BICD1: variants seen among roughly 807,000 people sequenced by gnomAD.
BICD1 encodes the protein BICD cargo adaptor 1.
Under a neutral mutation model 92.5 loss-of-function variants are expected in BICD1, and 35 were observed. The observed-to-expected ratio is 0.38, with a 90% CI of 0.29 to 0.50. The LOEUF (loss-of-function observed/expected upper bound fraction) is 0.50, where lower values mean the gene tolerates loss of function less well. Among genes scored for constraint, BICD1 ranks in the 20% least tolerant of loss-of-function variants. BICD1 has a pLI of 0.93. For missense variants in BICD1, 950 were observed against 1,189.8 expected (o/e 0.80, Z 2.97); for synonymous variants, 429 against 465.1 (o/e 0.92, Z 1.00).
At chr12:32,301,559 C>A (rs1368817370) in intron 3 of BICD1, among the ~76,000 whole-genome samples, 1 of 151,482 alleles carries the variant, frequency 6.6e-6, no homozygotes, top group Non-Finnish European at 1.5e-5. Context: ...AGGATTGCTT[C>A]GGTCCAGGAG....
At chr12:32,185,632 C>T (rs923586807) in intron 1 of BICD1, among the ~76,000 whole-genome samples, 6 of 152,198 alleles carry the variant, frequency 3.9e-5, no homozygotes, top group Non-Finnish European at 8.8e-5. Flanking sequence ...GCAAGTCAGA[C>T]GGCTGCTCTG....
chr12:32,285,130 T>A (rs1451238475), intron 2 of BICD1, among the ~76,000 whole-genome samples: 1 of 152,170 alleles, frequency 6.6e-6, no homozygotes, highest in Admixed American at 6.5e-5. Flanking sequence ...CCCTCCTCTA[T>A]CTCCATTTAG....
chr12:32,314,036 A>C (rs1313567568), intron 4 of BICD1, among the ~76,000 whole-genome samples: 1 of 152,212 alleles, frequency 6.6e-6, no homozygotes, highest in Non-Finnish European at 1.5e-5. Context: ...GTCTTTTGTG[A>C]CTGGCTTCTT....
chr12:32,189,108 A>G (rs971636993), intron 1 of BICD1, among the ~76,000 whole-genome samples: 11 of 152,344 alleles, frequency 7.2e-5, no homozygotes, highest in Non-Finnish European at 1.5e-4. Context: ...CTGATAGGAA[A>G]AGCTTTGCCC....
chr12:32,166,161 C>T (rs1390079959), intron 1 of BICD1, among the ~76,000 whole-genome samples: 2 of 78,014 alleles, frequency 2.6e-5, no homozygotes, highest in African/African-American at 8.5e-5. Flanking sequence ...TTGGAGCCAG[C>T]GTTTCGTTCT....
At chr12:32,339,508 G>A in intron 8 of BICD1, 1 of 985,342 alleles carries the variant, frequency 1.0e-6, no homozygotes, top group Non-Finnish European at 1.2e-6. Context: ...TAATGTTCTT[G>A]TAGATTGCAG....
intron 2 of BICD1, among the ~76,000 whole-genome samples, chr12:32,225,619 C>CTGTTTT (rs775727276): frequency 6.8e-5 from 2 of 29,228 alleles, no homozygotes; most frequent in African/African-American, 2.2e-4. Flanking sequence ...TTCTTTTTTT[C>CTGTTTT]TGTTTTTTTT....
chr12:32,123,447 AAAG>A (rs1220364111), intron 1 of BICD1, among the ~76,000 whole-genome samples: 8 of 152,246 alleles, frequency 5.3e-5, no homozygotes, highest in African/African-American at 1.9e-4. Flanking sequence ...CCTTCAGGGA[AAAG>A]AAGTTTTCAT....
chr12:32,251,644 A>G (rs1946524874), intron 2 of BICD1, among the ~76,000 whole-genome samples: 1 of 152,174 alleles, frequency 6.6e-6, no homozygotes, highest in Admixed American at 6.5e-5. Flanking sequence ...GTTCTACTAT[A>G]TGGATGCACC....
At chr12:32,196,220 C>G (rs191624157) in intron 1 of BICD1, among the ~76,000 whole-genome samples, 8 of 152,110 alleles carry the variant, frequency 5.3e-5, no homozygotes, top group Non-Finnish European at 8.8e-5. Flanking sequence ...CAGGAATTAT[C>G]AAAAAACAGT....
intron 1 of BICD1, among the ~76,000 whole-genome samples, chr12:32,128,619 A>C (rs949528852): frequency 1.4e-5 from 2 of 146,350 alleles, no homozygotes; most frequent in African/African-American, 2.5e-5. Flanking sequence ...TTAAAAAAAA[A>C]CCAGCGTAAT....
intron 1 of BICD1, among the ~76,000 whole-genome samples, chr12:32,158,449 C>A (rs1444422589): frequency 6.6e-6 from 1 of 151,800 alleles, no homozygotes; most frequent in African/African-American, 2.4e-5. Context: ...CACGGTGAGA[C>A]CCTGCCTGTA....
chr12:32,145,147 T>G lies in BICD1; in HGVS notation c.213+37603T>G, dbSNP rs572746643. Among the ~76,000 whole-genome samples, 31 of 152,346 alleles carry G rather than the reference T, an allele frequency of 2.0e-4. No homozygotes were observed. The South Asian group carries it at 6.0e-3, about 30-fold the overall frequency. ...CTTTGTATTAGACTTCTACATGTTGTGGTCTTTGCTTCTGATAAGGGACAG... is the reference window on the plus strand; with the variant it reads ...CTTTGTATTAGACTTCTACATGTTGGGGTCTTTGCTTCTGATAAGGGACAG... On this transcript the variant is annotated intron_variant, in intron 1 of 9. Coordinates refer to ENST00000652176, the MANE Select transcript of BICD1 (RefSeq NM_001714.4).
chr12:32,222,113 TATAAG>T (rs1218288871), intron 2 of BICD1, among the ~76,000 whole-genome samples: 3 of 152,158 alleles, frequency 2.0e-5, no homozygotes, highest in African/African-American at 7.2e-5. Flanking sequence ...ATGTCTCAAA[TATAAG>T]ATATGTTAGA....
At chr12:32,299,042 A>G (rs1220176944) in intron 3 of BICD1, among the ~76,000 whole-genome samples, 4 of 152,158 alleles carry the variant, frequency 2.6e-5, no homozygotes, top group Non-Finnish European at 4.4e-5. Flanking sequence ...TGTAGTCCCA[A>G]TAGGGACTCC....
At chr12:32,230,878 C>CATG (rs10656681) in intron 2 of BICD1, among the ~76,000 whole-genome samples, 103,842 of 151,728 alleles carry the variant, frequency 0.68, 36,264 homozygotes, top group East Asian at 0.89. Context: ...GTGAAATTAT[C>CATG]ATGACTGCTG....
intron 1 of BICD1, among the ~76,000 whole-genome samples, chr12:32,141,848 C>A (rs1490170348): frequency 6.6e-6 from 1 of 152,116 alleles, no homozygotes; most frequent in Non-Finnish European, 1.5e-5. Flanking sequence ...ATTCGCCGTT[C>A]GTTGTAAGCT....
chr12:32,306,114 C>A lies in BICD1; in HGVS notation c.997C>A (p.Leu333Ile). 6.3e-7 allele frequency: 1 copy of A among 1,595,256 alleles called. No homozygotes were observed. Among genetic ancestry groups the A allele is most frequent in the Non-Finnish European group, 8.5e-7 (1 of 1,172,718 alleles). Reference sequence around the variant, plus strand: ...AGAAATACAGAAGTTGAAGCAGCAGCTTATGCAGGTAAGAACTTTGTTTAG... The same window carrying A: ...AGAAATACAGAAGTTGAAGCAGCAGATTATGCAGGTAAGAACTTTGTTTAG... ...ISEIQKLKQQ[L>I]MQVEREKAIL... Residue 333 changes from leucine to isoleucine, a missense_variant, in exon 4 of 10, where the codon CTT becomes ATT. By Grantham distance (5) the Leu-to-Ile change is conservative. Around this residue, in one of 5 missense-constraint regions of BICD1, gnomAD observed 246 missense variants for 258.4 expected, o/e 0.95. Coordinates refer to ENST00000652176, the MANE Select transcript of BICD1 (RefSeq NM_001714.4).
At chr12:32,164,793 G>A in intron 1 of BICD1, among the ~76,000 whole-genome samples, 1 of 152,200 alleles carries the variant, frequency 6.6e-6, no homozygotes, top group Non-Finnish European at 1.5e-5. Context: ...TAACACTCTA[G>A]GAAGCAGTGT....
Sources: gnomAD v4.1 joint callset for allele counts (sites outside exome capture counted in the v4.1 genomes callset) on GRCh38, gnomAD v4.1.1 for gene constraint, gnomAD v4.1.1 regional missense constraint, MANE v1.5 for transcripts, NCBI Gene and HGNC (gene_info 2026-07-23, HGNC 2026-07-21) for gene names.